Variants in RHOBTB2 observed in about 807,000 individuals in gnomAD.
RHOBTB2 encodes rho-related BTB domain-containing protein 2.
Under a neutral mutation model 66.5 loss-of-function variants are expected in RHOBTB2, and 39 were observed. The observed-to-expected ratio is 0.59, with a 90% CI of 0.45 to 0.77. The LOEUF is 0.77. Among genes scored for constraint, RHOBTB2 ranks in the 30% least tolerant of loss-of-function variants. The pLI, the probability that RHOBTB2 is intolerant of heterozygous loss-of-function variation, is 0.00. For synonymous variants in RHOBTB2, 390 were observed against 395.0 expected, an observed-to-expected ratio of 0.99 and a Z score of 0.15; for missense variants, 755 against 999.1, an observed-to-expected ratio of 0.76 and a Z score of 3.29.
At chr8:22,970,474 G>T in the RHOBTB2 span, among the ~76,000 whole-genome samples, 1 of 152,126 alleles carries the variant, frequency 6.6e-6, no homozygotes, top group African/African-American at 2.4e-5. Context: ...CATTGTGCAT[G>T]CCTGTGGTCC....
chr8:22,991,084 G>A (rs1279925394), intron 1 of RHOBTB2, among the ~76,000 whole-genome samples: 1 of 152,110 alleles, frequency 6.6e-6, no homozygotes, highest in African/African-American at 2.4e-5. Context: ...CTGGGAGGGG[G>A]TGGGATTCCC....
chr8:23,007,607 G>C lies in RHOBTB2; in HGVS notation c.1362G>C (p.Leu454=), dbSNP rs148437679. 2 of 1,614,208 alleles carry C rather than the reference G, an allele frequency of 1.2e-6. No homozygotes were observed. Among genetic ancestry groups the C allele is most frequent in the Admixed American group, 3.3e-5 (2 of 60,024 alleles). ...DLMHIAHIAE[L]LEVFDLRMMV... is the part of the protein sequence containing the mutation. ...TGCACATTGCCCACATTGCTGAGCT[G>C]CTCGAGGTCTTTGATCTGCGCATGA... is the stretch of plus-strand genomic sequence containing the variant. The change falls in exon 5 of 10, where the codon CTG becomes CTC. Residue 454 remains leucine (L), a synonymous_variant. Coordinates refer to ENST00000251822, the MANE Select transcript of RHOBTB2 (RefSeq NM_015178.3).
chr8:23,017,430 C>CTCCTCCTCATCCCCATCT lies in RHOBTB2; in HGVS notation c.2154_2171dup (p.Ser719_Ser724dup). 6.2e-7 allele frequency: 1 copy of CTCCTCCTCATCCCCATCT among 1,608,294 alleles called. No individual in the cohort carries two copies. The highest frequency in any genetic ancestry group is 2.2e-5 in the East Asian group (1 of 44,552). ...CATCCTCCCCGTCTTCCTCGGCAGC[C>CTCCTCCTCATCCCCATCT]TCCTCCTCATCCCCATCTTCCTCCT... On this transcript the variant is annotated inframe_insertion, in exon 10 of 10. Coordinates refer to ENST00000251822, the MANE Select transcript of RHOBTB2 (RefSeq NM_015178.3). The surrounding 1 kb of genome is among the most constrained non-coding windows in gnomAD (Gnocchi z 5.3).
chr8:23,015,560 T>C, intron 8 of RHOBTB2, 78 bp from the exon 9 acceptor site: 1 of 1,000,976 alleles, frequency 1.0e-6, no homozygotes, highest in Non-Finnish European at 1.5e-6. Context: ...GCTTCAGCTC[T>C]GAAGGCAGCT....
chr8:22,974,507 C>T, the RHOBTB2 span, among the ~76,000 whole-genome samples: 1 of 152,186 alleles, frequency 6.6e-6, no homozygotes, highest in African/African-American at 2.4e-5. Context: ...GCAGGCCAGG[C>T]CTCTGCCCCA....
chr8:22,955,359 A>C, the RHOBTB2 span, among the ~76,000 whole-genome samples: 6 of 152,116 alleles, frequency 3.9e-5, no homozygotes, highest in Admixed American at 3.9e-4. Flanking sequence ...AAACCATTAA[A>C]AGGAACCTAC....
At chr8:22,961,490 C>A in the RHOBTB2 span, among the ~76,000 whole-genome samples, 1 of 152,284 alleles carries the variant, frequency 6.6e-6, no homozygotes, top group South Asian at 2.1e-4. Context: ...GACTCTCGAG[C>A]CCTTCTTTGC....
At chr8:22,976,654 C>T in the RHOBTB2 span, among the ~76,000 whole-genome samples, 1 of 151,994 alleles carries the variant, frequency 6.6e-6, no homozygotes, top group Non-Finnish European at 1.5e-5. Context: ...CTGATACAGT[C>T]TCATTCTGTC....
At position 23,005,355 on chromosome 8, in the gene RHOBTB2, T is replaced by C. The variant is rs372733874; in HGVS notation, c.193-17T>C. ...AAACTGCTGCCTTCGAGTCCCACTC[T>C]TCCTCCCCGTCCCCAGGTGCTGGAA... On this transcript the variant is annotated splice_polypyrimidine_tract_variant and intron_variant, in intron 2 of 9. Transcript: ENST00000251822. 57 of 1,600,414 alleles carry C rather than the reference T, an allele frequency of 3.6e-5. No individual in the cohort carries two copies. The African/African-American group carries it at 5.8e-4, about 16-fold the overall frequency.
At chr8:22,984,259 A>G (rs1288358141), upstream of RHOBTB2, among the ~76,000 whole-genome samples, 2 of 152,234 alleles carry the variant, frequency 1.3e-5, no homozygotes, top group Non-Finnish European at 2.9e-5. Flanking sequence ...TTCAAAGACA[A>G]TATCACCATC....
rs551660992 is a variant in RHOBTB2, at chr8:23,007,071, G to A, written c.826G>A (p.Val276Met). Reference protein sequence around the residue: ...ADVILVLQERVRIFAHKIYLS... With the variant: ...ADVILVLQERMRIFAHKIYLS... ...CGTCATCCTGGTGCTGCAGGAGCGGGTGCGCATCTTTGCCCACAAGATCTA... is the reference window on the plus strand; with the variant it reads ...CGTCATCCTGGTGCTGCAGGAGCGGATGCGCATCTTTGCCCACAAGATCTA... The change falls in exon 5 of 10, where the codon GTG (valine) becomes ATG (methionine). Residue 276 changes from valine (V) to methionine (M), a missense_variant. Physicochemically the swap from Val to Met is conservative, Grantham distance 21. This residue lies in a region of RHOBTB2 where 247 missense variants were observed against 238.9 expected (regional missense o/e 1.03). Transcript: ENST00000251822. 9.3e-6 allele frequency: 15 copies of A among 1,610,704 alleles called. No homozygotes were observed. The highest frequency in any genetic ancestry group is 1.3e-5 in the African/African-American group (1 of 74,920).
the RHOBTB2 span, among the ~76,000 whole-genome samples, chr8:22,950,900 C>T: frequency 2.6e-5 from 4 of 152,206 alleles, no homozygotes; most frequent in Admixed American, 6.5e-5. Context: ...ATGCCTAGCT[C>T]CAGGTAGCCT....
At chr8:23,007,857 T>A in intron 5 of RHOBTB2, 111 bp downstream of exon 5, 5 of 1,509,122 alleles carry the variant, frequency 3.3e-6, no homozygotes, top group Non-Finnish European at 4.6e-6. Flanking sequence ...TCTTGAAGCC[T>A]GGTTTTCCCC....
In RHOBTB2 at chr8:23,007,598, T is replaced by G. The variant is rs1398557557; in HGVS notation, c.1353T>G (p.Ile451Met). 6.2e-7 allele frequency: 1 copy of G among 1,614,048 alleles called. No individual in the cohort carries two copies. Among genetic ancestry groups the G allele is most frequent in the Non-Finnish European group, 8.5e-7 (1 of 1,180,018 alleles). The change falls in exon 5 of 10, where the codon ATT (isoleucine) becomes ATG (methionine). Residue 451 changes from isoleucine (I) to methionine (M), a missense_variant. Ile to Met is a conservative substitution (Grantham distance 10). This residue lies in a region of RHOBTB2 where 353 missense variants were observed against 458.2 expected (regional missense o/e 0.77). Coordinates refer to ENST00000251822, the MANE Select transcript of RHOBTB2 (RefSeq NM_015178.3). ...GTGACCTCATGCACATTGCCCACAT[T>G]GCTGAGCTGCTCGAGGTCTTTGATC... ...NERDLMHIAHIAELLEVFDLR... is the reference protein window; with the variant it reads ...NERDLMHIAHMAELLEVFDLR...
intron 7 of RHOBTB2, 42 bp downstream of exon 7, chr8:23,010,730 C>T (rs750082634): frequency 1.2e-6 from 2 of 1,602,482 alleles, no homozygotes; most frequent in Admixed American, 1.7e-5. Context: ...GCGGCAGAGG[C>T]CAGGGAAACC....
chr8:22,973,204 C>A, the RHOBTB2 span, among the ~76,000 whole-genome samples: 2 of 152,126 alleles, frequency 1.3e-5, no homozygotes, highest in African/African-American at 4.8e-5. Context: ...TAACCGCCTG[C>A]TTATTTTTCT....
At chr8:23,014,485 C>G (rs1346299313) in intron 7 of RHOBTB2, among the ~76,000 whole-genome samples, 1 of 152,208 alleles carries the variant, frequency 6.6e-6, no homozygotes, top group Non-Finnish European at 1.5e-5. Context: ...CCTTCTCTTC[C>G]TACCCTACCC....
At chr8:22,980,205 T>C in the RHOBTB2 span, among the ~76,000 whole-genome samples, 2 of 152,210 alleles carry the variant, frequency 1.3e-5, no homozygotes, top group African/African-American at 4.8e-5. Flanking sequence ...GGTTTATTTA[T>C]GTGCACGTGG....
chr8:22,951,450 T>A, the RHOBTB2 span, among the ~76,000 whole-genome samples: 2 of 152,252 alleles, frequency 1.3e-5, no homozygotes, highest in East Asian at 3.9e-4. Context: ...TTATTTCACC[T>A]GGGTGCAGGC....
Sources: allele counts gnomAD v4.1 joint callset (sites outside exome capture counted in the v4.1 genomes callset), GRCh38; gene constraint gnomAD v4.1.1; regional missense constraint gnomAD v4.1.1; non-coding constraint Gnocchi (gnomAD v3.1); transcripts MANE v1.5; gene names NCBI Gene and HGNC (gene_info 2026-07-23, HGNC 2026-07-21).